Variants in PDE9A observed in about 807,000 individuals in gnomAD.
PDE9A encodes high affinity cGMP-specific 3',5'-cyclic phosphodiesterase 9A.
A neutral mutation model predicts 87.4 loss-of-function variants in PDE9A; 60 were observed. The observed-to-expected ratio is 0.69, with a 90% CI of 0.56 to 0.85. The LOEUF (loss-of-function observed/expected upper bound fraction) is 0.85, where lower values mean the gene tolerates loss of function less well. Ranked by LOEUF, PDE9A falls within the 40% of genes least tolerant of loss-of-function variation. The pLI is 0.00. For missense variants in PDE9A, 665 were observed against 779.0 expected (o/e 0.85, Z 1.74); for synonymous variants, 272 against 279.4 (o/e 0.97, Z 0.27).
chr21:42,749,782 A>G lies in PDE9A; in HGVS notation c.654-1334A>G, dbSNP rs988723324. ...TGGAGCAACTTGGGATGAGTTCATG[A>G]TATGTTAGATGACAAAGCAGGTTGC... On this transcript the variant is annotated intron_variant, in intron 8 of 19. Transcript: ENST00000291539. 4.6e-5 allele frequency among the ~76,000 whole-genome samples: 7 copies of G among 152,346 alleles called. No individual in the cohort carries two copies. In the South Asian group the frequency reaches 1.2e-3, roughly 27 times the overall value.
At chr21:42,668,359 A>G (rs1378278455) in intron 1 of PDE9A, among the ~76,000 whole-genome samples, 2 of 152,178 alleles carry the variant, frequency 1.3e-5, no homozygotes, top group African/African-American at 4.8e-5. Flanking sequence ...AGAAGTGAGC[A>G]TGAATTATTA....
At chr21:42,758,841 G>A (rs372356149) in intron 10 of PDE9A, 158 bp from the exon 11 acceptor site, 20 of 593,074 alleles carry the variant, frequency 3.4e-5, no homozygotes, top group South Asian at 7.8e-5. Context: ...CATGTCTGCC[G>A]ACCAGGCTTT....
At chr21:42,653,976 G>C in intron 1 of PDE9A, 93 bp downstream of exon 1, 2 of 693,532 alleles carry the variant, frequency 2.9e-6, no homozygotes, top group Non-Finnish European at 4.7e-6. Flanking sequence ...TGCGTCTGCC[G>C]GTCCAGGCTG....
chr21:42,759,402 C>G lies in PDE9A; in HGVS notation c.897+317C>G, dbSNP rs901056117. On this transcript the variant is annotated intron_variant, in intron 11 of 19. Transcript: ENST00000291539. This position sits in a 1 kb window ranked among gnomAD's most constrained non-coding sequence, Gnocchi z 7.2. ...GGGAGCGTGTGTGTGTGTGTGGGAG[C>G]GTGTGTGTGTGTGAGAGTGAGTATG... is the stretch of plus-strand genomic sequence containing the variant. 1.4e-4 allele frequency among the ~76,000 whole-genome samples: 19 copies of G among 132,682 alleles called. No homozygotes were observed. Among genetic ancestry groups the G allele is most frequent in the African/African-American group, 2.3e-4 (8 of 34,298 alleles). The allele number at this position is 132,682 out of a possible 152,430, so 87.0% of individuals were successfully genotyped here.
chr21:42,699,058 T>C (rs767327760), intron 4 of PDE9A, 47 bp downstream of exon 4: 1 of 1,277,738 alleles, frequency 7.8e-7, no homozygotes, highest in South Asian at 1.2e-5. Context: ...GAAAAAGAAA[T>C]CTTGAGCTTG....
chr21:42,745,468 C>T (rs562368821), intron 8 of PDE9A, among the ~76,000 whole-genome samples: 111 of 152,354 alleles, frequency 7.3e-4, no homozygotes, highest in African/African-American at 2.4e-3. Flanking sequence ...CTTTAAAGGA[C>T]GGGAGACAGA....
chr21:42,760,114 G>T lies in PDE9A; in HGVS notation c.898-214G>T, dbSNP rs1409442097. Among the ~76,000 whole-genome samples, 1 of 151,988 alleles carries T rather than the reference G, an allele frequency of 6.6e-6. No homozygotes were observed. The highest frequency in any genetic ancestry group is 2.4e-5 in the African/African-American group (1 of 41,360). ...TGGTGGGAGCTCTGTCCCCACACCT[G>T]CCCCGGGTGCCGTGGTGTGGCCCGC... On this transcript the variant is annotated intron_variant, in intron 11 of 19. Transcript: ENST00000291539. The surrounding 1 kb of genome is among the most constrained non-coding windows in gnomAD (Gnocchi z 5.2).
At chr21:42,655,913 C>T (rs951266562) in intron 1 of PDE9A, among the ~76,000 whole-genome samples, 1 of 151,960 alleles carries the variant, frequency 6.6e-6, no homozygotes, top group Non-Finnish European at 1.5e-5. Context: ...CCTAGCTGGA[C>T]TGTGAGTCCT....
intron 1 of PDE9A, among the ~76,000 whole-genome samples, chr21:42,668,740 G>A (rs867272930): frequency 7.2e-5 from 11 of 152,176 alleles, no homozygotes; most frequent in Non-Finnish European, 1.3e-4. Context: ...CGCAGATGCC[G>A]GCGCGGGGGA....
At chr21:42,764,843 T>A (rs181224330) in intron 14 of PDE9A, among the ~76,000 whole-genome samples, 187 of 152,192 alleles carry the variant, frequency 1.2e-3, no homozygotes, top group South Asian at 6.0e-3. Flanking sequence ...CCCAAAAAAA[T>A]ATATATATAT....
chr21:42,762,126 G>A lies in PDE9A; in HGVS notation c.1129G>A (p.Asp377Asn). 1 of 1,614,140 alleles carries A rather than the reference G, an allele frequency of 6.2e-7. No individual in the cohort carries two copies. ...ARTELAVRYNDISPLENHHCA... is the reference protein window; with the variant it reads ...ARTELAVRYNNISPLENHHCA... ...CACAGAGCTGGCGGTCCGCTACAATGACATCTCACCGCTGGAGAACCACCA... is the reference window on the plus strand; with the variant it reads ...CACAGAGCTGGCGGTCCGCTACAATAACATCTCACCGCTGGAGAACCACCA... Residue 377 changes from aspartate to asparagine, a missense_variant, in exon 14 of 20, where the codon GAC (aspartate) becomes AAC (asparagine). Physicochemically the swap from Asp to Asn is conservative, Grantham distance 23. Transcript: ENST00000291539.
chr21:42,689,728 C>G, intron 3 of PDE9A: 1 of 985,440 alleles, frequency 1.0e-6, no homozygotes, highest in African/African-American at 1.7e-5. Flanking sequence ...GACAAAAGCC[C>G]TCCTGAGCCC....
At chr21:42,661,963 T>G (rs746195888) in intron 1 of PDE9A, among the ~76,000 whole-genome samples, 1 of 152,092 alleles carries the variant, frequency 6.6e-6, no homozygotes, top group African/African-American at 2.4e-5. Context: ...TGGGGCCGAT[T>G]TGTCATTTGT....
At chr21:42,715,311 G>A (rs139575810) in intron 4 of PDE9A, among the ~76,000 whole-genome samples, 535 of 150,266 alleles carry the variant, frequency 3.6e-3, no homozygotes, top group African/African-American at 0.012. Flanking sequence ...CTCTGCCACC[G>A]TCAACGTCCT....
At chr21:42,715,322 G>T (rs2071343383) in intron 4 of PDE9A, among the ~76,000 whole-genome samples, 1 of 151,186 alleles carries the variant, frequency 6.6e-6, no homozygotes, top group South Asian at 2.1e-4. Flanking sequence ...TCAACGTCCT[G>T]CATCAGATTG....
chr21:42,732,604 G>A (rs559159649), intron 6 of PDE9A, among the ~76,000 whole-genome samples: 9 of 152,304 alleles, frequency 5.9e-5, no homozygotes, highest in East Asian at 3.9e-4. Context: ...AAGCACAGAC[G>A]GGTGGGATTT....
At chr21:42,735,043 A>C (rs1028442310) in intron 7 of PDE9A, among the ~76,000 whole-genome samples, 1 of 152,264 alleles carries the variant, frequency 6.6e-6, no homozygotes, top group Non-Finnish European at 1.5e-5. Context: ...TGCTTTCAAC[A>C]GAAAAGGAGT....
At chr21:42,753,834 A>G (rs1268709217) in intron 9 of PDE9A, among the ~76,000 whole-genome samples, 156 bp from the exon 10 acceptor site, 3 of 147,734 alleles carry the variant, frequency 2.0e-5, no homozygotes, top group African/African-American at 7.5e-5. Context: ...ACTGCACTCC[A>G]GCGTGGGCAA....
At chr21:42,767,828 G>A (rs1446959383) in intron 15 of PDE9A, among the ~76,000 whole-genome samples, 1 of 152,192 alleles carries the variant, frequency 6.6e-6, no homozygotes, top group Non-Finnish European at 1.5e-5. Flanking sequence ...AGCTCCTATG[G>A]CATGCCCAAC....
Sources: allele counts gnomAD v4.1 joint callset (sites outside exome capture counted in the v4.1 genomes callset), GRCh38; gene constraint gnomAD v4.1.1; non-coding constraint Gnocchi (gnomAD v3.1); transcripts MANE v1.5; gene names NCBI Gene and HGNC (gene_info 2026-07-23, HGNC 2026-07-21).